PPP2R2C: variants seen among roughly 807,000 people sequenced by gnomAD.
The protein encoded by PPP2R2C is protein phosphatase 2, regulatory subunit B, gamma.
In PPP2R2C, 10 loss-of-function variants were observed where a neutral mutation model predicts 45.3. The ratio of observed to expected loss-of-function variants is 0.22; its 90% CI spans 0.14 to 0.37. The LOEUF (loss-of-function observed/expected upper bound fraction) is 0.37, where lower values mean the gene tolerates loss of function less well. PPP2R2C is among the 10% of genes least tolerant of loss of function. The pLI is 1.00. For missense variants in PPP2R2C, 308 were observed against 619.7 expected (o/e 0.50, Z 5.34); for synonymous variants, 257 against 245.4 (o/e 1.05, Z -0.44).
At chr4:6,543,682 G>A (rs1724880426) in intron 1 of PPP2R2C, among the ~76,000 whole-genome samples, 1 of 152,166 alleles carries the variant, frequency 6.6e-6, no homozygotes, top group African/African-American at 2.4e-5. Flanking sequence ...GCAGCTAGGG[G>A]CCACCCAGCT....
rs536416960 is a variant in PPP2R2C at position 6,410,397 on chromosome 4, C to T, written c.71-29303G>A. ...CCCCTGACTCGGGGGGTGGTGGCCA[C>T]GAGTGAGTAACTGGGGCATGCACTA... On this transcript the variant is annotated intron_variant, in intron 1 of 8. Transcript: ENST00000382599. 9.9e-5 allele frequency among the ~76,000 whole-genome samples: 15 copies of T among 152,210 alleles called. 1 individual carries two copies. Among genetic ancestry groups the T allele is most frequent in the South Asian group, 4.2e-4 (2 of 4,810 alleles).
intron 1 of PPP2R2C, among the ~76,000 whole-genome samples, chr4:6,554,595 C>G (rs1288760847): frequency 6.6e-6 from 1 of 152,086 alleles, no homozygotes; most frequent in Admixed American, 6.5e-5. Flanking sequence ...CACAGTGGCT[C>G]ACACCTGCAA....
intron 5 of PPP2R2C, among the ~76,000 whole-genome samples, chr4:6,361,000 AC>A (rs1421915146): frequency 3.3e-5 from 5 of 152,078 alleles, no homozygotes; most frequent in South Asian, 2.1e-4. Context: ...ATTAGGGTCT[AC>A]CCTGCCAGCC....
chr4:6,389,260 A>G (rs1334560740), intron 1 of PPP2R2C, among the ~76,000 whole-genome samples: 1 of 152,212 alleles, frequency 6.6e-6, no homozygotes, highest in Non-Finnish European at 1.5e-5. Flanking sequence ...GCCTGCAGAC[A>G]GGAGATGAAG....
chr4:6,544,693 G>C (rs563193225), intron 1 of PPP2R2C, among the ~76,000 whole-genome samples: 2 of 152,138 alleles, frequency 1.3e-5, no homozygotes, highest in Non-Finnish European at 2.9e-5. Flanking sequence ...CCCTGTGCTC[G>C]GGCAGAAAAG....
chr4:6,460,648 A>T (rs1181199498), intron 1 of PPP2R2C, among the ~76,000 whole-genome samples: 1 of 152,198 alleles, frequency 6.6e-6, no homozygotes, highest in Non-Finnish European at 1.5e-5. Flanking sequence ...GAATATATAT[A>T]TACCTAGATA....
At chr4:6,389,863 T>C (rs375653648) in intron 1 of PPP2R2C, among the ~76,000 whole-genome samples, 15 of 152,040 alleles carry the variant, frequency 9.9e-5, no homozygotes, top group Non-Finnish European at 1.6e-4. Context: ...AGGGGAGAGA[T>C]TGGATTCCAG....
intron 5 of PPP2R2C, among the ~76,000 whole-genome samples, chr4:6,359,785 C>T (rs1452340485): frequency 6.6e-6 from 1 of 152,164 alleles, no homozygotes; most frequent in Non-Finnish European, 1.5e-5. Flanking sequence ...CCAGTCTGCC[C>T]CCCGGTCGTC....
At chr4:6,495,794 C>T (rs1722862977) in intron 2 of PPP2R2C, among the ~76,000 whole-genome samples, 2 of 152,182 alleles carry the variant, frequency 1.3e-5, no homozygotes, top group South Asian at 4.1e-4. Context: ...ATAACTTTTG[C>T]GTGGTGTATG....
chr4:6,538,875 T>C (rs1342253616), intron 1 of PPP2R2C, among the ~76,000 whole-genome samples: 1 of 152,216 alleles, frequency 6.6e-6, no homozygotes, highest in Non-Finnish European at 1.5e-5. Flanking sequence ...GTATCACTGC[T>C]GTTTCCCGGT....
At chr4:6,343,515 G>A (rs921338042) in intron 6 of PPP2R2C, among the ~76,000 whole-genome samples, 18 of 152,072 alleles carry the variant, frequency 1.2e-4, no homozygotes, top group Non-Finnish European at 2.1e-4. Flanking sequence ...CCAGGAGTTC[G>A]AGACCAGCCT....
At chr4:6,432,619 C>A (rs1459690631) in intron 1 of PPP2R2C, among the ~76,000 whole-genome samples, 2 of 152,254 alleles carry the variant, frequency 1.3e-5, no homozygotes, top group African/African-American at 2.4e-5. Flanking sequence ...GGACATCTGT[C>A]ACCCCCAAGG....
At chr4:6,562,045 A>G (rs190951841) in intron 1 of PPP2R2C, among the ~76,000 whole-genome samples, 272 of 152,238 alleles carry the variant, frequency 1.8e-3, no homozygotes, top group Non-Finnish European at 2.5e-3. Context: ...GACACCTGGG[A>G]CAGAGAAGGC....
intron 5 of PPP2R2C, among the ~76,000 whole-genome samples, chr4:6,355,873 A>G (rs772768078): frequency 1.3e-5 from 2 of 151,984 alleles, no homozygotes; most frequent in Non-Finnish European, 2.9e-5. Context: ...GGGCACCTGT[A>G]ATCCCAGCTA....
chr4:6,430,533 G>A (rs1447597475), intron 1 of PPP2R2C, among the ~76,000 whole-genome samples: 3 of 152,198 alleles, frequency 2.0e-5, no homozygotes, highest in Non-Finnish European at 2.9e-5. Context: ...TCAGAGGAGA[G>A]TGCACGCCTC....
intron 2 of PPP2R2C, among the ~76,000 whole-genome samples, chr4:6,534,840 G>A (rs1385369395): frequency 3.3e-5 from 5 of 152,342 alleles, no homozygotes; most frequent in East Asian, 1.9e-4. Flanking sequence ...TGGGTCGGCC[G>A]CTCAGTGTGA....
chr4:6,339,743 G>T (rs541432519), intron 6 of PPP2R2C, among the ~76,000 whole-genome samples: 1 of 152,202 alleles, frequency 6.6e-6, no homozygotes, highest in Non-Finnish European at 1.5e-5. Context: ...GTGGCCTGGA[G>T]GGGGAGGGGC....
At chr4:6,440,299 GAA>G (rs1720089718) in intron 1 of PPP2R2C, among the ~76,000 whole-genome samples, 1 of 152,234 alleles carries the variant, frequency 6.6e-6, no homozygotes, top group Non-Finnish European at 1.5e-5. Flanking sequence ...TAAGTTATCA[GAA>G]AAGAGTTCTA....
At chr4:6,460,400 A>T (rs1023319461) in intron 1 of PPP2R2C, among the ~76,000 whole-genome samples, 1 of 152,132 alleles carries the variant, frequency 6.6e-6, no homozygotes, top group African/African-American at 2.4e-5. Flanking sequence ...AACCCTGCCA[A>T]CACCTTGATC....
Sources: gnomAD v4.1 joint callset for allele counts (sites outside exome capture counted in the v4.1 genomes callset) on GRCh38, gnomAD v4.1.1 for gene constraint, MANE v1.5 for transcripts, NCBI Gene and HGNC (gene_info 2026-07-23, HGNC 2026-07-21) for gene names.